Variants in CTNNBL1 observed in about 807,000 individuals in gnomAD.
CTNNBL1 encodes beta-catenin-like protein 1.
A neutral mutation model predicts 72.7 loss-of-function variants in CTNNBL1; 31 were observed. The ratio of observed to expected loss-of-function variants is 0.43; its 90% CI spans 0.32 to 0.58. The LOEUF (loss-of-function observed/expected upper bound fraction) is 0.58. CTNNBL1 is among the 20% of genes least tolerant of loss of function. The pLI is 0.08. For synonymous variants in CTNNBL1, 240 were observed against 267.3 expected, an observed-to-expected ratio of 0.90 and a Z score of 1.00; for missense variants, 534 against 725.1, an observed-to-expected ratio of 0.74 and a Z score of 3.03.
chr20:37,815,076 A>AGTGAGTGTGT (rs1555830917), intron 11 of CTNNBL1, among the ~76,000 whole-genome samples: 1 of 147,282 alleles, frequency 6.8e-6, no homozygotes, highest in Non-Finnish European at 1.5e-5. Flanking sequence ...GGACTCTGTG[A>AGTGAGTGTGT]GTGTGTGTGT....
At chr20:37,729,746 C>T (rs1307945822) in intron 1 of CTNNBL1, among the ~76,000 whole-genome samples, 1 of 152,158 alleles carries the variant, frequency 6.6e-6, no homozygotes, top group East Asian at 1.9e-4. Flanking sequence ...CTACAGATTT[C>T]CAGTTGGAAG....
At chr20:37,854,598 A>C (rs1198183163) in intron 13 of CTNNBL1, among the ~76,000 whole-genome samples, 1 of 104,070 alleles carries the variant, frequency 9.6e-6, no homozygotes, top group African/African-American at 3.8e-5. Context: ...TATTATTATT[A>C]TTATTATTTG....
intron 11 of CTNNBL1, among the ~76,000 whole-genome samples, chr20:37,826,566 G>A (rs2072161869): frequency 6.6e-6 from 1 of 152,138 alleles, no homozygotes; most frequent in Non-Finnish European, 1.5e-5. Context: ...TAGCCTTTGG[G>A]TATCTCATCA....
chr20:37,778,468 G>A (rs2073595415), intron 9 of CTNNBL1, among the ~76,000 whole-genome samples: 1 of 152,150 alleles, frequency 6.6e-6, no homozygotes, highest in African/African-American at 2.4e-5. Flanking sequence ...TCTGTTTCCA[G>A]TTCTGGGAAG....
intron 2 of CTNNBL1, among the ~76,000 whole-genome samples, chr20:37,734,411 C>G (rs1382447634): frequency 6.6e-6 from 1 of 152,216 alleles, no homozygotes; most frequent in Non-Finnish European, 1.5e-5. Context: ...TCCCTCCTCA[C>G]CAGCTTCTGC....
chr20:37,852,516 T>A (rs1438905449), intron 13 of CTNNBL1, among the ~76,000 whole-genome samples: 1 of 152,190 alleles, frequency 6.6e-6, no homozygotes, highest in Non-Finnish European at 1.5e-5. Context: ...GTGGCTCCTC[T>A]CTCTGGGAAC....
intron 11 of CTNNBL1, among the ~76,000 whole-genome samples, chr20:37,816,123 G>C (rs1177984784): frequency 6.6e-6 from 1 of 152,186 alleles, no homozygotes; most frequent in African/African-American, 2.4e-5. Context: ...ATAAGAAGGA[G>C]GTTGAAAAGA....
intron 11 of CTNNBL1, among the ~76,000 whole-genome samples, chr20:37,821,901 C>A (rs1470772621): frequency 6.6e-6 from 1 of 152,114 alleles, no homozygotes; most frequent in African/African-American, 2.4e-5. Context: ...ATAAAAATTG[C>A]AGAATATCTC....
At chr20:37,808,454 G>A (rs2071979844) in intron 11 of CTNNBL1, among the ~76,000 whole-genome samples, 1 of 152,188 alleles carries the variant, frequency 6.6e-6, no homozygotes, top group African/African-American at 2.4e-5. Flanking sequence ...CATTGTTTGA[G>A]GCCAGCTTTT....
chr20:37,821,286 G>C (rs1005335426), intron 11 of CTNNBL1, among the ~76,000 whole-genome samples: 3 of 152,178 alleles, frequency 2.0e-5, no homozygotes, highest in African/African-American at 7.2e-5. Flanking sequence ...TGGCTTGCTT[G>C]TTTCCACTCA....
Position 37,753,620 on chromosome 20 carries a change from T to G in CTNNBL1, c.467-3939T>G, listed in dbSNP as rs149783088. Among the ~76,000 whole-genome samples the G allele has an allele frequency of 4.6e-5, 7 of 152,302 alleles. No individual in the cohort carries two copies. In the East Asian group the frequency reaches 1.3e-3, roughly 29 times the overall value. Reference sequence around the variant, plus strand: ...GCTCTTGTTAGCTTAAACTTCAGATTTTAGAGGCTTTTGGAAAAATGAAGG... The same window carrying G: ...GCTCTTGTTAGCTTAAACTTCAGATGTTAGAGGCTTTTGGAAAAATGAAGG... On this transcript the variant is annotated intron_variant, in intron 4 of 15. Transcript: ENST00000361383.
At chr20:37,732,257 C>T (rs1326030081) in intron 1 of CTNNBL1, among the ~76,000 whole-genome samples, 1 of 152,186 alleles carries the variant, frequency 6.6e-6, no homozygotes, top group Non-Finnish European at 1.5e-5. Flanking sequence ...CTGGGCCTTA[C>T]TCAACTCTTC....
Position 37,724,161 on chromosome 20 carries a change from G to A in CTNNBL1, c.31-8718G>A, listed in dbSNP as rs6122918. ...ATGCATCCACAAGCGGGTTTGCGAC[G>A]TTCCACATGTCTAATTATTCCAAGA... On this transcript the variant is annotated intron_variant, in intron 1 of 15. Coordinates refer to ENST00000361383, the MANE Select transcript of CTNNBL1 (RefSeq NM_030877.5). Among the ~76,000 whole-genome samples the A allele has an allele frequency of 2.8e-3, 430 of 152,288 alleles. 4 individuals are homozygous for A. The highest frequency in any genetic ancestry group is 0.017 in the East Asian group (88 of 5,188).
intron 13 of CTNNBL1, among the ~76,000 whole-genome samples, chr20:37,854,551 A>ATATTATTATTATTAT (rs139266490): frequency 7.7e-6 from 1 of 129,296 alleles, no homozygotes; most frequent in Non-Finnish European, 1.6e-5. Context: ...CTGCCTCTCA[A>ATATTATTATTATTAT]TATTATTATT....
intron 15 of CTNNBL1, among the ~76,000 whole-genome samples, chr20:37,870,237 T>C (rs992200488): frequency 1.3e-5 from 2 of 152,086 alleles, no homozygotes; most frequent in Non-Finnish European, 2.9e-5. Context: ...CTGGTCTCAC[T>C]GAAACCTGGT....
At chr20:37,830,558 C>T (rs140831908) in intron 11 of CTNNBL1, among the ~76,000 whole-genome samples, 2 of 152,260 alleles carry the variant, frequency 1.3e-5, no homozygotes, top group East Asian at 3.9e-4. Flanking sequence ...TTACTGTGCA[C>T]CTTGTCACTT....
intron 12 of CTNNBL1, among the ~76,000 whole-genome samples, chr20:37,841,440 G>T (rs1242728711): frequency 6.6e-6 from 1 of 152,174 alleles, no homozygotes; most frequent in Non-Finnish European, 1.5e-5. Context: ...AGGAAATAAT[G>T]GTCATGAAAA....
intron 1 of CTNNBL1, among the ~76,000 whole-genome samples, chr20:37,725,389 C>G (rs2073075403): frequency 6.6e-6 from 1 of 151,858 alleles, no homozygotes; most frequent in South Asian, 2.1e-4. Context: ...CTCTGCCTCC[C>G]CAGTTCTAGC....
intron 4 of CTNNBL1, among the ~76,000 whole-genome samples, chr20:37,752,103 A>G (rs975459114): frequency 6.6e-6 from 1 of 152,212 alleles, no homozygotes; most frequent in African/African-American, 2.4e-5. Flanking sequence ...TACCACATTA[A>G]TGTAACTTTT....
Sources: allele counts gnomAD v4.1 joint callset (sites outside exome capture counted in the v4.1 genomes callset), GRCh38; gene constraint gnomAD v4.1.1; transcripts MANE v1.5; gene names NCBI Gene and HGNC (gene_info 2026-07-23, HGNC 2026-07-21).